Variants in PTPRN2 observed in about 807,000 individuals in gnomAD.
PTPRN2 encodes the protein receptor-type tyrosine-protein phosphatase N2.
Under a neutral mutation model 118.8 loss-of-function variants are expected in PTPRN2, and 74 were observed. The observed-to-expected ratio is 0.62, with a 90% CI of 0.52 to 0.76. The LOEUF is 0.76. Ranked by LOEUF, PTPRN2 falls within the 30% of genes least tolerant of loss-of-function variation. The pLI is 0.00. For missense variants in PTPRN2, 1,481 were observed against 1,394.4 expected, an observed-to-expected ratio of 1.06 and a Z score of -0.99; for synonymous variants, 641 against 608.0, an observed-to-expected ratio of 1.05 and a Z score of -0.80.
Position 158,442,811 on chromosome 7 carries a change from T to C in PTPRN2, c.163+46924A>G, listed in dbSNP as rs114508470. Among the ~76,000 whole-genome samples the C allele has an allele frequency of 4.1e-3, 628 of 152,310 alleles. 2 individuals are homozygous for C. Among genetic ancestry groups the C allele is most frequent in the African/African-American group, 0.014 (581 of 41,574 alleles). Reference sequence around the variant, plus strand: ...TGAAAAAGGCACGGAAGGGAATGTATGTTTCCTTTTTTGTCAGAAAATAAA... The same window carrying C: ...TGAAAAAGGCACGGAAGGGAATGTACGTTTCCTTTTTTGTCAGAAAATAAA... On this transcript the variant is annotated intron_variant, in intron 2 of 22. Transcript: ENST00000389418.
intron 12 of PTPRN2, among the ~76,000 whole-genome samples, chr7:157,725,455 T>C (rs9692318): frequency 0.28 from 9,511 of 33,822 alleles, 539 homozygotes; most frequent in Middle Eastern, 0.42. Flanking sequence ...GATATCCACA[T>C]GCAGAGGAGT....
rs752738325 is a variant in PTPRN2 at position 158,471,485 on chromosome 7, C to T, written c.163+18250G>A. Among the ~76,000 whole-genome samples the T allele has an allele frequency of 3.9e-5, 6 of 152,280 alleles. No individual in the cohort carries two copies. In the South Asian group the frequency reaches 8.3e-4, roughly 21 times the overall value. On this transcript the variant is annotated intron_variant, in intron 2 of 22. Transcript: ENST00000389418. ...CGGGTGGATCACAAGGTCAGGAGAT[C>T]GAGACCAACCTGGCCAACATGGTGA...
intron 17 of PTPRN2, among the ~76,000 whole-genome samples, chr7:157,592,122 A>G (rs145892819): frequency 6.6e-6 from 1 of 152,296 alleles, no homozygotes; most frequent in African/African-American, 2.4e-5. Flanking sequence ...TTGCTTTAAA[A>G]TTTGTCTCTA....
rs1197868801 is a variant in PTPRN2, at chr7:157,603,057, C to T, written c.2418+945G>A. On this transcript the variant is annotated intron_variant, in intron 16 of 22. Transcript: ENST00000389418. This position sits in a 1 kb window ranked among gnomAD's most constrained non-coding sequence, Gnocchi z 5.4. ...ATGACAACCAGTGTCCGCCATAAAT[C>T]TGCATGGAGCCCCAGCCTCTCCACC... 6.6e-6 allele frequency among the ~76,000 whole-genome samples: 1 copy of T among 152,212 alleles called. No individual in the cohort carries two copies. The highest frequency in any genetic ancestry group is 6.5e-5 in the Admixed American group (1 of 15,288).
intron 11 of PTPRN2, among the ~76,000 whole-genome samples, chr7:158,045,446 T>C (rs1808771691): frequency 6.6e-6 from 1 of 152,216 alleles, no homozygotes; most frequent in South Asian, 2.1e-4. Context: ...GGTCTTGGCC[T>C]TGTGTCAGCA....
At position 158,319,490 on chromosome 7, in the gene PTPRN2, ACACT is replaced by A. The variant is rs762195486; in HGVS notation, c.164-2562_164-2559del. On this transcript the variant is annotated intron_variant, in intron 2 of 22. Coordinates refer to ENST00000389418, the MANE Select transcript of PTPRN2 (RefSeq NM_002847.5). ...CTCACACACAAGCACAGCCTCCCTC[ACACT>A]CACACAGCCTCCCCCCACACACACA... Among the ~76,000 whole-genome samples, 84 of 31,950 alleles carry A rather than the reference ACACT, an allele frequency of 2.6e-3. 4 individuals carry two copies. Among genetic ancestry groups the A allele is most frequent in the Non-Finnish European group, 3.8e-3 (55 of 14,664 alleles). 21.0% of individuals were successfully genotyped at this position (31,950 alleles called of 152,430 possible).
chr7:158,270,829 T>TG (rs1798341447), intron 3 of PTPRN2, among the ~76,000 whole-genome samples: 1 of 4,754 alleles, frequency 2.1e-4, no homozygotes, highest in Non-Finnish European at 3.9e-4. Flanking sequence ...CCCCTCCACC[T>TG]GGATGACCCC....
intron 5 of PTPRN2, among the ~76,000 whole-genome samples, chr7:158,175,518 G>C (rs1276908113): frequency 6.6e-6 from 1 of 152,194 alleles, no homozygotes; most frequent in African/African-American, 2.4e-5. Flanking sequence ...GAAAGTGTCA[G>C]TGTTTAACAG....
chr7:158,556,788 C>T (rs1209021368), intron 1 of PTPRN2, among the ~76,000 whole-genome samples: 9 of 134,008 alleles, frequency 6.7e-5, no homozygotes, highest in African/African-American at 2.6e-4. Flanking sequence ...GTCGCTCCCA[C>T]GCAGGTCAGG....
intron 11 of PTPRN2, among the ~76,000 whole-genome samples, chr7:157,928,247 G>A (rs1360158240): frequency 1.3e-5 from 2 of 152,214 alleles, no homozygotes; most frequent in Non-Finnish European, 2.9e-5. Flanking sequence ...ACTCAGCCAT[G>A]CTGCCCCCGG....
At chr7:158,162,324 T>C (rs1822432409) in intron 6 of PTPRN2, among the ~76,000 whole-genome samples, 1 of 152,160 alleles carries the variant, frequency 6.6e-6, no homozygotes, top group Non-Finnish European at 1.5e-5. Flanking sequence ...TAATTGCCAA[T>C]ACATGGAAGC....
intron 2 of PTPRN2, among the ~76,000 whole-genome samples, chr7:158,386,261 CCT>C (rs539589852): frequency 1.9e-4 from 26 of 140,002 alleles, no homozygotes; most frequent in Middle Eastern, 4.3e-3. Context: ...CCTCCCATGC[CCT>C]GAGTCCCTCC....
In PTPRN2 at chr7:158,570,069, C is replaced by A. The variant is rs1379803538; in HGVS notation, c.112+17489G>T. 6.6e-6 allele frequency among the ~76,000 whole-genome samples: 1 copy of A among 152,292 alleles called. No individual in the cohort carries two copies. The highest frequency in any genetic ancestry group is 2.1e-4 in the South Asian group (1 of 4,830). ...CCTCAGGCGCGTCCTCCACCCGTTT[C>A]CCCCAGGCAGGGGGAAGCCCCGAGA... On this transcript the variant is annotated intron_variant, in intron 1 of 22. Coordinates refer to ENST00000389418, the MANE Select transcript of PTPRN2 (RefSeq NM_002847.5). The surrounding 1 kb of genome is among the most constrained non-coding windows in gnomAD (Gnocchi z 4.5).
Position 157,609,030 on chromosome 7 carries a change from A to C in PTPRN2, c.2345-4955T>G, listed in dbSNP as rs985518010. On this transcript the variant is annotated intron_variant, in intron 15 of 22. Coordinates refer to ENST00000389418, the MANE Select transcript of PTPRN2 (RefSeq NM_002847.5). The surrounding 1 kb of genome is among the most constrained non-coding windows in gnomAD (Gnocchi z 4.9). Reference sequence around the variant, plus strand: ...TAATGTCATTGGGTTAAATTAACCCACTGTGCACGTTCCTTTTCTGACCCT... The same window carrying C: ...TAATGTCATTGGGTTAAATTAACCCCCTGTGCACGTTCCTTTTCTGACCCT... 6.6e-6 allele frequency among the ~76,000 whole-genome samples: 1 copy of C among 152,218 alleles called. No homozygotes were observed. The highest frequency in any genetic ancestry group is 1.5e-5 in the Non-Finnish European group (1 of 68,034).
At chr7:158,190,978 G>A (rs1329993691) in intron 5 of PTPRN2, among the ~76,000 whole-genome samples, 2 of 152,264 alleles carry the variant, frequency 1.3e-5, no homozygotes, top group East Asian at 3.9e-4. Flanking sequence ...AGACACAGAA[G>A]TGCCTCAGCT....
At chr7:158,218,132 T>G (rs1828085181) in intron 3 of PTPRN2, among the ~76,000 whole-genome samples, 1 of 152,088 alleles carries the variant, frequency 6.6e-6, no homozygotes, top group African/African-American at 2.4e-5. Context: ...CCCCAAGGCA[T>G]ATGGTCATCA....
intron 12 of PTPRN2, among the ~76,000 whole-genome samples, chr7:157,725,716 G>T (rs113585745): frequency 1.2e-3 from 70 of 56,426 alleles, no homozygotes; most frequent in South Asian, 8.2e-3. Context: ...TCCACATGCA[G>T]AGGAGTGAGC....
At chr7:158,326,383 G>A (rs566084286) in intron 2 of PTPRN2, among the ~76,000 whole-genome samples, 10 of 152,314 alleles carry the variant, frequency 6.6e-5, no homozygotes, top group African/African-American at 1.9e-4. Context: ...AGACTCAGTC[G>A]GCCAGTGTGA....
intron 2 of PTPRN2, among the ~76,000 whole-genome samples, chr7:158,388,713 G>T (rs919884370): frequency 6.6e-6 from 1 of 152,128 alleles, no homozygotes; most frequent in African/African-American, 2.4e-5. Context: ...GGCCTGAAAG[G>T]CCCAACCATC....
Sources: allele counts gnomAD v4.1 joint callset (sites outside exome capture counted in the v4.1 genomes callset), GRCh38; gene constraint gnomAD v4.1.1; non-coding constraint Gnocchi (gnomAD v3.1); transcripts MANE v1.5; gene names NCBI Gene and HGNC (gene_info 2026-07-23, HGNC 2026-07-21).